Variants in RAB35 observed in about 807,000 individuals in gnomAD.
RAB35 encodes RAB35, member RAS oncogene family.
A neutral mutation model predicts 28.9 loss-of-function variants in RAB35; 4 were observed. That is an observed-to-expected ratio of 0.14 (90% CI 0.07 to 0.32). The LOEUF is 0.32. RAB35 is among the 10% of genes least tolerant of loss of function. RAB35 has a pLI of 1.00. For synonymous variants in RAB35, 99 were observed against 105.1 expected (o/e 0.94, Z 0.35); for missense variants, 128 against 274.0 (o/e 0.47, Z 3.76).
rs766852093 is a variant in RAB35 at position 120,096,485 on chromosome 12, G to A, written c.*760C>T. The A allele has an allele frequency of 6.3e-5, 81 of 1,289,660 alleles. No individual in the cohort carries two copies. The Admixed American group carries it at 7.8e-4, about 12-fold the overall frequency. The allele number at this position is 1,289,660 out of a possible 1,614,324, so 79.9% of individuals were successfully genotyped here. A position where few individuals can be genotyped will look rare whatever the true frequency, so the allele number is the denominator to read the frequency against. Reference sequence around the variant, plus strand: ...CGAACCTACCCCGACCTTTCTGTTGGAACTGAAACCTGTTGGTGTAAATGA... The same window carrying A: ...CGAACCTACCCCGACCTTTCTGTTGAAACTGAAACCTGTTGGTGTAAATGA... On this transcript the variant is annotated 3_prime_UTR_variant, in exon 6 of 6. Coordinates refer to ENST00000229340, the MANE Select transcript of RAB35 (RefSeq NM_006861.7).
intron 5 of RAB35, among the ~76,000 whole-genome samples, chr12:120,098,555 G>A (rs1477176007): frequency 6.6e-6 from 1 of 152,266 alleles, no homozygotes; most frequent in East Asian, 1.9e-4. Context: ...TTACTAGCCA[G>A]GTGGTGGTCC....
At chr12:120,105,608 C>G (rs558057282) in intron 2 of RAB35, among the ~76,000 whole-genome samples, 18 of 152,202 alleles carry the variant, frequency 1.2e-4, no homozygotes, top group African/African-American at 3.9e-4. Context: ...CTTCGACACG[C>G]AGGATAGCCC....
rs1039410806 is a variant in RAB35 at position 120,103,638 on chromosome 12, C to T, written c.227+188G>A. The stretch of plus-strand genomic sequence containing the variant: ...GGTGCTCAGCGACTCCCCCACAGCA[C>T]CCCCCTCACATCTTCAGGACCAGGA... On this transcript the variant is annotated intron_variant, in intron 3 of 5. Coordinates refer to ENST00000229340, the MANE Select transcript of RAB35 (RefSeq NM_006861.7). This position sits in a 1 kb window ranked among gnomAD's most constrained non-coding sequence, Gnocchi z 6.1. Among the ~76,000 whole-genome samples, 2 of 152,200 alleles carry T rather than the reference C, an allele frequency of 1.3e-5. No individual in the cohort carries two copies. Among genetic ancestry groups the T allele is most frequent in the African/African-American group, 4.8e-5 (2 of 41,442 alleles).
chr12:120,113,250 T>C (rs972837605), intron 1 of RAB35, among the ~76,000 whole-genome samples: 3 of 149,648 alleles, frequency 2.0e-5, no homozygotes, highest in Non-Finnish European at 4.4e-5. Flanking sequence ...GCTCTCACTA[T>C]GGTCTCGAGT....
chr12:120,109,384 C>A (rs1295212870), intron 1 of RAB35, among the ~76,000 whole-genome samples: 2 of 151,840 alleles, frequency 1.3e-5, no homozygotes, highest in Non-Finnish European at 2.9e-5. Context: ...ACCCGGGAGG[C>A]GGAGGTTGCA....
At chr12:120,113,130 G>A (rs1275455281) in intron 1 of RAB35, among the ~76,000 whole-genome samples, 1 of 150,096 alleles carries the variant, frequency 6.7e-6, no homozygotes, top group Non-Finnish European at 1.5e-5. Flanking sequence ...GACCTCAGGT[G>A]ATCTGCCCAC....
At chr12:120,111,772 T>A in intron 1 of RAB35, among the ~76,000 whole-genome samples, 1 of 151,678 alleles carries the variant, frequency 6.6e-6, no homozygotes, top group Non-Finnish European at 1.5e-5. Flanking sequence ...GACACTGCTC[T>A]CCCTTTGAGA....
chr12:120,112,678 C>A (rs972146732), intron 1 of RAB35, among the ~76,000 whole-genome samples: 6 of 151,722 alleles, frequency 4.0e-5, no homozygotes, highest in Admixed American at 3.3e-4. Flanking sequence ...GATCCTCCAC[C>A]TCGGCCTCCC....
chr12:120,116,375 G>C (rs1049833077), intron 1 of RAB35, among the ~76,000 whole-genome samples: 1 of 152,024 alleles, frequency 6.6e-6, no homozygotes, highest in African/African-American at 2.4e-5. Context: ...GCAGGAACAG[G>C]CGCGATGACT....
At chr12:120,104,454 G>A (rs1486545752) in intron 2 of RAB35, among the ~76,000 whole-genome samples, 1 of 152,162 alleles carries the variant, frequency 6.6e-6, no homozygotes, top group Non-Finnish European at 1.5e-5. Context: ...GAGTGGGGGC[G>A]GTCACATGAG....
At chr12:120,113,318 C>T (rs911410396) in intron 1 of RAB35, among the ~76,000 whole-genome samples, 1 of 151,914 alleles carries the variant, frequency 6.6e-6, no homozygotes, top group African/African-American at 2.4e-5. Flanking sequence ...CTGCCCCCAG[C>T]CATGTTCTCA....
At chr12:120,098,060 A>G (rs1171172401) in intron 5 of RAB35, among the ~76,000 whole-genome samples, 2 of 151,560 alleles carry the variant, frequency 1.3e-5, no homozygotes, top group African/African-American at 4.8e-5. Context: ...ATTTTTTTGT[A>G]TTTTTAGTAG....
chr12:120,096,459 A>T lies in RAB35; in HGVS notation c.*786T>A, dbSNP rs997112665. ...GCCCCCCTGCCAGCCCCATCTCTGC[A>T]CGAACCTACCCCGACCTTTCTGTTG... On this transcript the variant is annotated 3_prime_UTR_variant, in exon 6 of 6. Coordinates refer to ENST00000229340, the MANE Select transcript of RAB35 (RefSeq NM_006861.7). The T allele has an allele frequency of 4.7e-6, 6 of 1,289,640 alleles. No individual in the cohort carries two copies. In the African/African-American group the frequency reaches 7.6e-5, roughly 16 times the overall value. 79.9% of individuals were successfully genotyped at this position (1,289,640 alleles called of 1,614,324 possible). A position where few individuals can be genotyped will look rare whatever the true frequency, so the allele number is the denominator to read the frequency against.
chr12:120,109,676 T>A (rs1180048256), intron 1 of RAB35, among the ~76,000 whole-genome samples: 3 of 149,258 alleles, frequency 2.0e-5, no homozygotes, highest in Non-Finnish European at 3.0e-5. Context: ...TTTTTTTTTT[T>A]AATCTTTTGT....
chr12:120,100,819 G>A (rs1875627157), intron 3 of RAB35, among the ~76,000 whole-genome samples: 1 of 152,250 alleles, frequency 6.6e-6, no homozygotes, highest in African/African-American at 2.4e-5. Context: ...GGCAGCTGCT[G>A]CTGAGAGCGC....
rs753120640 is a variant in RAB35 at position 120,096,844 on chromosome 12, A to G, written c.*401T>C. The G allele has an allele frequency of 1.5e-5, 20 of 1,297,058 alleles. No individual in the cohort carries two copies. The highest frequency in any genetic ancestry group is 4.9e-5 in the South Asian group (4 of 81,088). The allele number at this position is 1,297,058 out of a possible 1,614,324, so 80.3% of individuals were successfully genotyped here. ...GCTGTCTCCTCAGGACGCTGCTTGC[A>G]GTAAGATGGGCTGGGGAGGGGCGCG... On this transcript the variant is annotated 3_prime_UTR_variant, in exon 6 of 6. Transcript: ENST00000229340.
intron 2 of RAB35, 148 bp from the exon 3 acceptor site, chr12:120,104,097 T>C: frequency 1.1e-5 from 12 of 1,081,074 alleles, no homozygotes; most frequent in Non-Finnish European, 1.5e-5. Context: ...GACACAGCCC[T>C]GAACATCCTT....
intron 1 of RAB35, among the ~76,000 whole-genome samples, chr12:120,113,424 G>A (rs1243065765): frequency 6.6e-6 from 1 of 152,124 alleles, no homozygotes; most frequent in Admixed American, 6.5e-5. Context: ...CAAGTGAAGG[G>A]CTAACTCCAT....
rs374944445 is a variant in RAB35, at chr12:120,106,102, T to C, written c.104-2153A>G. On this transcript the variant is annotated intron_variant, in intron 2 of 5. Transcript: ENST00000229340. ...TAGGGGTTGCCGTAATGCTTCCAGG[T>C]AGAACCAACAGTAAACTGAGATGCT... 7.9e-5 allele frequency among the ~76,000 whole-genome samples: 12 copies of C among 151,950 alleles called. No homozygotes were observed. In the East Asian group the frequency reaches 1.5e-3, roughly 20 times the overall value.
Sources: allele counts gnomAD v4.1 joint callset (sites outside exome capture counted in the v4.1 genomes callset), GRCh38; gene constraint gnomAD v4.1.1; non-coding constraint Gnocchi (gnomAD v3.1); transcripts MANE v1.5; gene names NCBI Gene and HGNC (gene_info 2026-07-23, HGNC 2026-07-21).